Variants in PTPRD observed in about 807,000 individuals in gnomAD.
PTPRD encodes the protein protein tyrosine phosphatase receptor type D.
In PTPRD, 34 loss-of-function variants were observed where a neutral mutation model predicts 214.5. The ratio of observed to expected loss-of-function variants is 0.16; its 90% CI spans 0.12 to 0.21. The LOEUF is 0.21. Among genes scored for constraint, PTPRD ranks in the 10% least tolerant of loss-of-function variants. PTPRD has a pLI of 1.00. For synonymous variants in PTPRD, 1,128 were observed against 845.7 expected (o/e 1.33, Z -5.79); for missense variants, 2,545 against 2,398.7 (o/e 1.06, Z -1.27).
intron 7 of PTPRD, among the ~76,000 whole-genome samples, chr9:9,667,139 T>G (rs539693124): frequency 2.2e-4 from 34 of 152,082 alleles, no homozygotes; most frequent in Admixed American, 2.2e-3. Flanking sequence ...ACGTGCTTTG[T>G]TTATTACTGA....
chr9:10,482,333 T>C (rs1394839121), intron 2 of PTPRD, among the ~76,000 whole-genome samples: 1 of 152,006 alleles, frequency 6.6e-6, no homozygotes, highest in Non-Finnish European at 1.5e-5. Context: ...ATGGCGCCAC[T>C]GCACTCCAGC....
At chr9:8,959,465 A>G (rs2099148023) in intron 11 of PTPRD, among the ~76,000 whole-genome samples, 1 of 151,944 alleles carries the variant, frequency 6.6e-6, no homozygotes, top group South Asian at 2.1e-4. Context: ...GAAGAGCTCA[A>G]GTGGAGAGAG....
At chr9:9,739,602 A>G (rs546293788) in intron 6 of PTPRD, among the ~76,000 whole-genome samples, 1 of 151,892 alleles carries the variant, frequency 6.6e-6, no homozygotes, top group African/African-American at 2.4e-5. Flanking sequence ...GGCAAGTTGC[A>G]TCACTGTCAC....
chr9:8,384,871 A>G (rs1163384690), intron 37 of PTPRD, among the ~76,000 whole-genome samples: 2 of 152,154 alleles, frequency 1.3e-5, no homozygotes, highest in Non-Finnish European at 2.9e-5. Flanking sequence ...ACTCATATGA[A>G]ATATTCAACT....
At chr9:8,625,400 A>G (rs2095991036) in intron 14 of PTPRD, among the ~76,000 whole-genome samples, 1 of 151,906 alleles carries the variant, frequency 6.6e-6, no homozygotes. Context: ...AAACAAATAC[A>G]TAAACAAACA....
At chr9:8,550,598 G>A (rs1796194262) in intron 14 of PTPRD, among the ~76,000 whole-genome samples, 1 of 152,166 alleles carries the variant, frequency 6.6e-6, no homozygotes, top group Admixed American at 6.5e-5. Flanking sequence ...AACATAATTT[G>A]TGGAAAGAGT....
chr9:10,441,839 C>T (rs1024056026), intron 2 of PTPRD, among the ~76,000 whole-genome samples: 1 of 151,456 alleles, frequency 6.6e-6, no homozygotes, highest in Admixed American at 6.6e-5. Flanking sequence ...AAGAGGTATT[C>T]TCTAGTTCAT....
At chr9:9,509,174 G>T (rs2096640169) in intron 8 of PTPRD, among the ~76,000 whole-genome samples, 1 of 151,608 alleles carries the variant, frequency 6.6e-6, no homozygotes. Context: ...ATTCTAAGTT[G>T]CTGGGTTGTA....
intron 8 of PTPRD, among the ~76,000 whole-genome samples, chr9:9,420,629 G>T (rs1249811591): frequency 6.6e-6 from 1 of 151,856 alleles, no homozygotes; most frequent in African/African-American, 2.4e-5. Context: ...AAGCTTCTTT[G>T]TATTAGTGAA....
At position 8,717,191 on chromosome 9, in the gene PTPRD, T is replaced by C. The variant is rs186504877; in HGVS notation, c.64+16589A>G. On this transcript the variant is annotated intron_variant, in intron 12 of 45. Transcript: ENST00000381196. ...TAGACAAATACATCTAAAAGTAACA[T>C]ATGAAAACTATGATACCTCTAGGAG... 6.6e-5 allele frequency among the ~76,000 whole-genome samples: 10 copies of C among 152,174 alleles called. No individual in the cohort carries two copies. The East Asian group carries it at 1.7e-3, about 26-fold the overall frequency.
At chr9:8,951,331 T>A (rs12683334) in intron 11 of PTPRD, among the ~76,000 whole-genome samples, 41,838 of 149,454 alleles carry the variant, frequency 0.28, 6,593 homozygotes, top group Non-Finnish European at 0.36. Context: ...TTTTTTTTTT[T>A]TTTTTTTCAG....
intron 11 of PTPRD, among the ~76,000 whole-genome samples, chr9:8,750,815 T>C (rs1482590767): frequency 1.3e-5 from 2 of 152,112 alleles, no homozygotes; most frequent in Non-Finnish European, 2.9e-5. Context: ...AGAGACTGGA[T>C]TGCATCTGAA....
At chr9:8,621,245 C>T (rs2095812578) in intron 14 of PTPRD, among the ~76,000 whole-genome samples, 1 of 151,806 alleles carries the variant, frequency 6.6e-6, no homozygotes. Flanking sequence ...TGGGGGTCTT[C>T]GAACAAGAAT....
intron 14 of PTPRD, among the ~76,000 whole-genome samples, chr9:8,607,232 G>C (rs999049647): frequency 2.6e-5 from 4 of 152,162 alleles, no homozygotes; most frequent in Non-Finnish European, 5.9e-5. Flanking sequence ...AAATTAGCTA[G>C]GTTTAGTCAT....
intron 11 of PTPRD, among the ~76,000 whole-genome samples, chr9:8,790,037 G>C (rs981750975): frequency 2.0e-5 from 3 of 151,542 alleles, no homozygotes; most frequent in Admixed American, 6.6e-5. Context: ...TTTTTTTTGA[G>C]ACAGGGTTTC....
chr9:8,841,355 C>T (rs1173974641), intron 11 of PTPRD, among the ~76,000 whole-genome samples: 1 of 152,196 alleles, frequency 6.6e-6, no homozygotes, highest in Non-Finnish European at 1.5e-5. Context: ...TGTCACCAAG[C>T]ATAGGCACTT....
chr9:9,056,181 G>T (rs537137566), intron 10 of PTPRD, among the ~76,000 whole-genome samples: 7 of 152,174 alleles, frequency 4.6e-5, no homozygotes, highest in African/African-American at 1.4e-4. Flanking sequence ...CATCTGTTGA[G>T]TCTACCACTG....
intron 2 of PTPRD, among the ~76,000 whole-genome samples, chr9:10,585,932 A>G (rs956243308): frequency 6.6e-6 from 1 of 152,142 alleles, no homozygotes; most frequent in African/African-American, 2.4e-5. Context: ...TGATATAACT[A>G]GGTTAGCAAG....
chr9:9,708,986 G>T (rs1032195601), intron 7 of PTPRD, among the ~76,000 whole-genome samples: 2 of 151,886 alleles, frequency 1.3e-5, no homozygotes, highest in Admixed American at 1.3e-4. Flanking sequence ...ATTATACCAT[G>T]AGCTTCTTGA....
Sources: allele counts gnomAD v4.1 joint callset (sites outside exome capture counted in the v4.1 genomes callset), GRCh38; gene constraint gnomAD v4.1.1; transcripts MANE v1.5; gene names NCBI Gene and HGNC (gene_info 2026-07-23, HGNC 2026-07-21).